The following CALN1 variants were observed in gnomAD, a reference collection of about 807,000 sequenced individuals.
CALN1 encodes calneuron 1.
CALN1 carries 17 observed loss-of-function variants against 30.6 expected under a neutral mutation model. The ratio of observed to expected loss-of-function variants is 0.56; its 90% CI spans 0.38 to 0.83. The LOEUF (loss-of-function observed/expected upper bound fraction) is 0.83, where lower values mean the gene tolerates loss of function less well. Ranked by LOEUF, CALN1 falls within the 40% of genes least tolerant of loss-of-function variation. CALN1 has a pLI of 0.00. For synonymous variants in CALN1, 156 were observed against 131.4 expected (o/e 1.19, Z -1.28); for missense variants, 291 against 354.9 (o/e 0.82, Z 1.45).
At chr7:72,328,287 T>C (rs560373759) in intron 2 of CALN1, among the ~76,000 whole-genome samples, 28 of 152,270 alleles carry the variant, frequency 1.8e-4, no homozygotes, top group African/African-American at 6.0e-4. Flanking sequence ...GTGGAGATAA[T>C]TGAATCATGG....
rs566632834 is a variant in CALN1, at chr7:72,063,961, T to A, written c.389-40192A>T. On this transcript the variant is annotated intron_variant, in intron 4 of 6. Transcript: ENST00000395275. ...TGGATGAATTGGACATATGCCTTCT[T>A]GTAATAGCAAATTTAAAAACTTCTT... is the stretch of plus-strand genomic sequence containing the variant. 9.2e-5 allele frequency among the ~76,000 whole-genome samples: 14 copies of A among 152,304 alleles called. No homozygotes were observed. The South Asian group carries it at 2.3e-3, about 25-fold the overall frequency.
intron 3 of CALN1, among the ~76,000 whole-genome samples, chr7:72,249,604 C>A (rs1454305056): frequency 6.6e-6 from 1 of 152,090 alleles, no homozygotes; most frequent in Non-Finnish European, 1.5e-5. Flanking sequence ...GAGTTTGAGA[C>A]CAGCCCTGCC....
intron 1 of CALN1, among the ~76,000 whole-genome samples, chr7:72,443,454 T>G (rs1332438763): frequency 1.3e-5 from 2 of 152,184 alleles, no homozygotes; most frequent in Non-Finnish European, 2.9e-5. Context: ...AACCCCTGTC[T>G]CCTCTCCGGC....
intron 1 of CALN1, among the ~76,000 whole-genome samples, chr7:72,408,819 A>AG (rs1347804468): frequency 6.6e-6 from 1 of 151,504 alleles, no homozygotes; most frequent in Non-Finnish European, 1.5e-5. Context: ...CTGGGACTAC[A>AG]GGCGGGCACC....
At chr7:72,356,888 G>C (rs1043784284) in intron 2 of CALN1, among the ~76,000 whole-genome samples, 1 of 151,976 alleles carries the variant, frequency 6.6e-6, no homozygotes, top group African/African-American at 2.4e-5. Context: ...AGAAAGCTTA[G>C]AGCAATATAT....
intron 5 of CALN1, among the ~76,000 whole-genome samples, chr7:71,848,539 A>G (rs1790451324): frequency 6.6e-6 from 1 of 152,220 alleles, no homozygotes. Flanking sequence ...GATACTTTGT[A>G]AACATACAGA....
chr7:72,462,708 T>C, the CALN1 span, among the ~76,000 whole-genome samples: 1 of 152,208 alleles, frequency 6.6e-6, no homozygotes, highest in Non-Finnish European at 1.5e-5. Flanking sequence ...GGGGCAGATG[T>C]GAGATGCACT....
intron 2 of CALN1, among the ~76,000 whole-genome samples, chr7:72,357,999 GTTTTGTA>G (rs1803342624): frequency 6.6e-6 from 1 of 151,124 alleles, no homozygotes; most frequent in African/African-American, 2.4e-5. Context: ...TAGAGATGGG[GTTTTGTA>G]TTTAAGAGGC....
At chr7:72,378,687 G>GT (rs35655046) in intron 2 of CALN1, among the ~76,000 whole-genome samples, 6 of 148,124 alleles carry the variant, frequency 4.1e-5, no homozygotes, top group African/African-American at 1.2e-4. Context: ...CATCTGCCAA[G>GT]TTTTTTTTTT....
intron 2 of CALN1, among the ~76,000 whole-genome samples, chr7:72,345,096 T>C (rs1802569279): frequency 6.7e-6 from 1 of 148,930 alleles, no homozygotes; most frequent in Admixed American, 6.7e-5. Flanking sequence ...ATACATGTTA[T>C]ATAATTATGT....
chr7:72,351,281 T>C (rs1207104807), intron 2 of CALN1, among the ~76,000 whole-genome samples: 1 of 152,100 alleles, frequency 6.6e-6, no homozygotes, highest in African/African-American at 2.4e-5. Flanking sequence ...GGCAGGAGGA[T>C]CACTTGAGCC....
chr7:71,792,963 T>G (rs964585033), intron 6 of CALN1, among the ~76,000 whole-genome samples: 2 of 151,628 alleles, frequency 1.3e-5, no homozygotes, highest in Non-Finnish European at 2.9e-5. Context: ...AAGGGAGAGA[T>G]AAGGACTGAG....
intron 2 of CALN1, among the ~76,000 whole-genome samples, chr7:72,341,374 T>C (rs1481335948): frequency 6.6e-6 from 1 of 152,058 alleles, no homozygotes; most frequent in Non-Finnish European, 1.5e-5. Context: ...AATACAAAAA[T>C]TAGCTAGGCA....
chr7:72,383,309 TCTG>T (rs1805022539), intron 2 of CALN1, among the ~76,000 whole-genome samples: 1 of 152,224 alleles, frequency 6.6e-6, no homozygotes, highest in Non-Finnish European at 1.5e-5. Flanking sequence ...AAAGGACACT[TCTG>T]CTTTTAGTTC....
intron 3 of CALN1, among the ~76,000 whole-genome samples, chr7:72,236,279 G>C (rs957128095): frequency 6.6e-6 from 1 of 152,076 alleles, no homozygotes; most frequent in African/African-American, 2.4e-5. Context: ...AGTGTTTAAG[G>C]AAGAGTTGAC....
At chr7:72,192,171 C>G (rs541420725) in intron 3 of CALN1, among the ~76,000 whole-genome samples, 53 of 152,260 alleles carry the variant, frequency 3.5e-4, no homozygotes, top group African/African-American at 1.2e-3. Context: ...GTCTAGCCCA[C>G]TACACGTCTA....
At chr7:72,110,023 T>C (rs1234639340) in intron 3 of CALN1, among the ~76,000 whole-genome samples, 3 of 152,208 alleles carry the variant, frequency 2.0e-5, no homozygotes, top group African/African-American at 7.2e-5. Context: ...AAGCTAAGTC[T>C]TGCTCTTAGT....
chr7:72,258,082 C>T (rs1009985229), intron 3 of CALN1, among the ~76,000 whole-genome samples: 3 of 151,648 alleles, frequency 2.0e-5, no homozygotes, highest in African/African-American at 7.3e-5. Flanking sequence ...ACCCATGTAA[C>T]CAAAACCCAC....
chr7:72,403,486 C>T (rs1025926583), intron 1 of CALN1, 44 bp from the exon 2 acceptor site: 7 of 720,968 alleles, frequency 9.7e-6, no homozygotes, highest in South Asian at 4.8e-5. Context: ...CAGTGCTGGG[C>T]GATTATTCTT....
Sources: allele counts gnomAD v4.1 joint callset (sites outside exome capture counted in the v4.1 genomes callset), GRCh38; gene constraint gnomAD v4.1.1; transcripts MANE v1.5; gene names NCBI Gene and HGNC (gene_info 2026-07-23, HGNC 2026-07-21).